SRGAP3: variants seen among roughly 807,000 people sequenced by gnomAD.
SRGAP3 encodes SLIT-ROBO Rho GTPase-activating protein 3.
In SRGAP3, 39 loss-of-function variants were observed where a neutral mutation model predicts 121.1. That is an observed-to-expected ratio of 0.32 (90% CI 0.25 to 0.42). The LOEUF is 0.42. SRGAP3 is among the 10% of genes least tolerant of loss of function. The pLI is 1.00. For missense variants in SRGAP3, 1,213 were observed against 1,470.6 expected (o/e 0.82, Z 2.86); for synonymous variants, 601 against 570.0 (o/e 1.05, Z -0.77).
intron 3 of SRGAP3, among the ~76,000 whole-genome samples, chr3:9,103,081 C>T (rs1948280399): frequency 6.6e-6 from 1 of 152,142 alleles, no homozygotes; most frequent in Non-Finnish European, 1.5e-5. Flanking sequence ...AAACTTAGCC[C>T]ACATTTCATA....
chr3:9,237,102 G>A (rs1046945549), intron 1 of SRGAP3, among the ~76,000 whole-genome samples: 1 of 152,062 alleles, frequency 6.6e-6, no homozygotes, highest in East Asian at 1.9e-4. Context: ...TCTCAATCAG[G>A]GTTTGGGGAA....
chr3:9,215,599 G>T (rs1385677128), intron 1 of SRGAP3, among the ~76,000 whole-genome samples: 1 of 152,232 alleles, frequency 6.6e-6, no homozygotes, highest in Non-Finnish European at 1.5e-5. Context: ...ACTGGCATGT[G>T]AACCAGTGGA....
Position 9,084,445 on chromosome 3 carries a change from T to C in SRGAP3, c.424-4358A>G, listed in dbSNP as rs561808747. Among the ~76,000 whole-genome samples the C allele has an allele frequency of 2.0e-4, 31 of 152,228 alleles. No homozygotes were observed. In the South Asian group the frequency reaches 5.0e-3, roughly 24 times the overall value. On this transcript the variant is annotated intron_variant, in intron 3 of 21. Coordinates refer to ENST00000383836, the MANE Select transcript of SRGAP3 (RefSeq NM_014850.4). The stretch of plus-strand genomic sequence containing the variant: ...GGCAAAAAAAGAAAAAAGAAAGAAA[T>C]GCATGTAGCCCAGTTGCTACCAGCA...
intron 14 of SRGAP3, among the ~76,000 whole-genome samples, chr3:9,020,141 T>A (rs1943843571): frequency 6.6e-6 from 1 of 152,118 alleles, no homozygotes; most frequent in Non-Finnish European, 1.5e-5. Flanking sequence ...AATCACAAAG[T>A]CAACAACAGA....
At chr3:9,058,689 C>T (rs534983789) in intron 6 of SRGAP3, 425 of 557,534 alleles carry the variant, frequency 7.6e-4, no homozygotes, top group African/African-American at 7.4e-3. Flanking sequence ...ACTAGGTTCC[C>T]TATATTCACC....
rs200796153 is a variant in SRGAP3, at chr3:9,301,131, T to C, written n.442+24879A>G. Among the ~76,000 whole-genome samples the C allele has an allele frequency of 3.9e-5, 6 of 152,352 alleles. No homozygotes were observed. In the East Asian group the frequency reaches 9.6e-4, roughly 24 times the overall value. On this transcript the variant is annotated intron_variant and non_coding_transcript_variant, in intron 3 of 3. Coordinates refer to the SRGAP3 transcript ENST00000490889. Reference sequence around the variant, plus strand: ...CTTGGTGAAGTTTCGTTTTTTAACTTCCTACAGCCTCTTCCGGCCCTGACT... The same window carrying C: ...CTTGGTGAAGTTTCGTTTTTTAACTCCCTACAGCCTCTTCCGGCCCTGACT...
intron 3 of SRGAP3, among the ~76,000 whole-genome samples, chr3:9,103,259 A>C (rs921297404): frequency 2.0e-5 from 3 of 152,210 alleles, no homozygotes; most frequent in Non-Finnish European, 2.9e-5. Context: ...TGCTTCTAGC[A>C]ATCTCAGATC....
intron 12 of SRGAP3, among the ~76,000 whole-genome samples, chr3:9,029,988 A>AT (rs1559953908): frequency 6.8e-6 from 1 of 147,422 alleles, no homozygotes; most frequent in Non-Finnish European, 1.5e-5. Context: ...AAAAAAAAAA[A>AT]AAATTATTTT....
intron 1 of SRGAP3, among the ~76,000 whole-genome samples, chr3:9,170,092 C>T (rs922387794): frequency 2.0e-5 from 3 of 152,132 alleles, no homozygotes; most frequent in African/African-American, 7.2e-5. Context: ...CTGACACCGC[C>T]CCACAGGAAG....
chr3:9,210,779 G>A (rs536644046), intron 1 of SRGAP3, among the ~76,000 whole-genome samples: 7 of 150,642 alleles, frequency 4.6e-5, no homozygotes, highest in Admixed American at 4.0e-4. Context: ...GCAGTGAGCC[G>A]AGATGGAGCC....
intron 3 of SRGAP3, among the ~76,000 whole-genome samples, chr3:9,306,801 CA>C (rs935542802): frequency 3.3e-5 from 5 of 151,548 alleles, no homozygotes; most frequent in Non-Finnish European, 4.4e-5. Flanking sequence ...CTGGCTGCCA[CA>C]AAAAAAAGTC....
chr3:9,029,849 C>T (rs918440614), intron 12 of SRGAP3, among the ~76,000 whole-genome samples: 5 of 151,932 alleles, frequency 3.3e-5, no homozygotes, highest in South Asian at 2.1e-4. Flanking sequence ...TATAAAGCAA[C>T]GCAATAGTAA....
upstream of SRGAP3, among the ~76,000 whole-genome samples, chr3:9,250,063 T>G (rs1448991665): frequency 6.6e-6 from 1 of 152,126 alleles, no homozygotes; most frequent in Non-Finnish European, 1.5e-5. Context: ...TGCGAGGAGT[T>G]AAAGGCATGC....
At chr3:9,349,241 G>A (rs540495990) in intron 1 of SRGAP3, 16 of 577,252 alleles carry the variant, frequency 2.8e-5, no homozygotes, top group Non-Finnish European at 4.3e-5. Flanking sequence ...CCTGCCCATC[G>A]CGTCCCCCTG....
chr3:9,079,646 A>C (rs1947145304), intron 4 of SRGAP3, among the ~76,000 whole-genome samples: 1 of 152,176 alleles, frequency 6.6e-6, no homozygotes, highest in Non-Finnish European at 1.5e-5. Flanking sequence ...GTTGGTAAGG[A>C]GGGGCCTCTG....
At chr3:9,231,000 C>T (rs1409603531) in intron 1 of SRGAP3, among the ~76,000 whole-genome samples, 2 of 152,164 alleles carry the variant, frequency 1.3e-5, no homozygotes, top group Non-Finnish European at 2.9e-5. Flanking sequence ...TGGCTTCAAT[C>T]CTCCCCCTGC....
intron 1 of SRGAP3, among the ~76,000 whole-genome samples, chr3:9,154,896 GC>G (rs1383807303): frequency 2.7e-5 from 4 of 149,258 alleles, no homozygotes; most frequent in Non-Finnish European, 5.9e-5. Context: ...GTTTAGCTTT[GC>G]TTTTTTGCTT....
chr3:9,097,643 A>C (rs1434447593), intron 3 of SRGAP3, among the ~76,000 whole-genome samples: 1 of 152,226 alleles, frequency 6.6e-6, no homozygotes, highest in African/African-American at 2.4e-5. Flanking sequence ...CGCACCACTC[A>C]GATCCCCTTC....
intron 1 of SRGAP3, among the ~76,000 whole-genome samples, chr3:9,344,446 G>A (rs754550096): frequency 3.3e-5 from 5 of 151,844 alleles, no homozygotes; most frequent in East Asian, 1.9e-4. Flanking sequence ...CAGAGACTCC[G>A]TCTCAAAAAA....
Sources: gnomAD v4.1 joint callset for allele counts (sites outside exome capture counted in the v4.1 genomes callset) on GRCh38, gnomAD v4.1.1 for gene constraint, MANE v1.5 for transcripts, NCBI Gene and HGNC (gene_info 2026-07-23, HGNC 2026-07-21) for gene names.